The following TAS2R1 variants were observed in gnomAD, a reference collection of about 807,000 sequenced individuals.
TAS2R1 encodes taste 2 receptor member 1.
For missense variants in TAS2R1, 370 were observed against 353.4 expected, an observed-to-expected ratio of 1.05 and a Z score of -0.38; for synonymous variants, 141 against 134.2, an observed-to-expected ratio of 1.05 and a Z score of -0.35.
At chr5:9,896,904 A>C in the TAS2R1 span, among the ~76,000 whole-genome samples, 1 of 152,198 alleles carries the variant, frequency 6.6e-6, no homozygotes, top group African/African-American at 2.4e-5. Context: ...AAGAAGGGAG[A>C]CAACAATTTG....
In TAS2R1 at chr5:9,704,763, A is replaced by G. The variant is rs149190171; in HGVS notation, c.-242+7409T>C. The stretch of plus-strand genomic sequence containing the variant: ...TTGCTAAAGATTAAGAATTTTAATA[A>G]CACTCAAGGATGATAAGAGAGTTGG... On this transcript the variant is annotated intron_variant, in intron 1 of 2. Transcript: ENST00000506620. Among the ~76,000 whole-genome samples the G allele has an allele frequency of 1.1e-3, 162 of 152,348 alleles. 3 individuals carry two copies. In the East Asian group the frequency reaches 0.029, roughly 28 times the overall value.
upstream of TAS2R1, chr5:9,714,238 A>G (rs1734761566): frequency 2.6e-5 from 4 of 152,222 alleles, no homozygotes; most frequent in Admixed American, 2.0e-4. Flanking sequence ...TTGGTATTGC[A>G]TCTGTAAATG....
chr5:9,831,822 T>C, the TAS2R1 span, among the ~76,000 whole-genome samples: 1 of 152,330 alleles, frequency 6.6e-6, no homozygotes, highest in Admixed American at 6.5e-5. Flanking sequence ...TTGCGATTTT[T>C]ATCTGAAAAG....
At chr5:9,777,591 T>C in the TAS2R1 span, among the ~76,000 whole-genome samples, 1 of 152,250 alleles carries the variant, frequency 6.6e-6, no homozygotes, top group Non-Finnish European at 1.5e-5. Flanking sequence ...CTCCAGTTAA[T>C]GTTGATACTT....
chr5:9,751,012 G>A, the TAS2R1 span, among the ~76,000 whole-genome samples: 1 of 151,586 alleles, frequency 6.6e-6, no homozygotes, highest in African/African-American at 2.4e-5. Context: ...ACTAGCTACT[G>A]GCCAGCCCAG....
chr5:9,857,135 G>C, the TAS2R1 span, among the ~76,000 whole-genome samples: 24 of 152,156 alleles, frequency 1.6e-4, no homozygotes, highest in South Asian at 4.1e-4. Flanking sequence ...GGTAACCAAA[G>C]GTTGGGAAGG....
chr5:9,841,229 T>C, the TAS2R1 span, among the ~76,000 whole-genome samples: 35 of 152,218 alleles, frequency 2.3e-4, no homozygotes, highest in African/African-American at 8.2e-4. Context: ...TTATCCATAT[T>C]GAGAATCACA....
chr5:9,744,316 G>C, the TAS2R1 span, among the ~76,000 whole-genome samples: 1 of 152,130 alleles, frequency 6.6e-6, no homozygotes, highest in Non-Finnish European at 1.5e-5. Context: ...TTGGGCCGGT[G>C]GGTCATAGGT....
chr5:9,857,166 A>C, the TAS2R1 span, among the ~76,000 whole-genome samples: 2 of 152,198 alleles, frequency 1.3e-5, no homozygotes, highest in East Asian at 3.9e-4. Context: ...GGAGGAGATG[A>C]AGAGAAGTTG....
chr5:9,870,922 A>G, the TAS2R1 span, among the ~76,000 whole-genome samples: 58 of 152,372 alleles, frequency 3.8e-4, 1 homozygote, highest in Middle Eastern at 3.4e-3. Flanking sequence ...AATGCAAGGT[A>G]GTAATTTTCT....
intron 1 of TAS2R1, among the ~76,000 whole-genome samples, chr5:9,662,755 TA>T (rs1740563808): frequency 6.6e-6 from 1 of 152,216 alleles, no homozygotes; most frequent in African/African-American, 2.4e-5. Flanking sequence ...ATAACTCAGT[TA>T]AGAAAGAACA....
chr5:9,629,394 G>C lies in TAS2R1; in HGVS notation c.639C>G (p.Ala213=), dbSNP rs560509095. ...RHTRQMRNTV[A]GSRVPGRGAP... is the part of the protein sequence containing the mutation. ...CACCCCTGCCAGGAACCCTGCTGCC[G>C]GCCACTGTGTTTCTCATTTGCCGGG... The change falls in exon 1 of 1, where the codon GCC becomes GCG. Residue 213 remains alanine (A), a synonymous_variant. Transcript: ENST00000382492. 2 of 1,614,058 alleles carry C rather than the reference G, an allele frequency of 1.2e-6. No individual in the cohort carries two copies. Among genetic ancestry groups the C allele is most frequent in the African/African-American group, 1.3e-5 (1 of 75,016 alleles).
the TAS2R1 span, among the ~76,000 whole-genome samples, chr5:9,893,534 G>T: frequency 2.2e-3 from 329 of 152,102 alleles, no homozygotes; most frequent in African/African-American, 7.5e-3. Flanking sequence ...CTGGTCAAAC[G>T]GTCCACTTCA....
chr5:9,854,867 C>G, the TAS2R1 span, among the ~76,000 whole-genome samples: 1 of 152,174 alleles, frequency 6.6e-6, no homozygotes, highest in African/African-American at 2.4e-5. Context: ...GTTGAAGATC[C>G]TACATAAAAA....
the TAS2R1 span, among the ~76,000 whole-genome samples, chr5:9,740,275 C>T: frequency 3.9e-5 from 6 of 151,990 alleles, 1 homozygote; most frequent in Non-Finnish European, 8.8e-5. Flanking sequence ...GATTTGTAGG[C>T]GAATAAAAAT....
chr5:9,900,517 C>T, the TAS2R1 span, among the ~76,000 whole-genome samples: 1 of 152,074 alleles, frequency 6.6e-6, no homozygotes, highest in Non-Finnish European at 1.5e-5. Context: ...AGAAACATCC[C>T]GCCAGTGGGG....
the TAS2R1 span, among the ~76,000 whole-genome samples, chr5:9,823,082 T>C: frequency 6.6e-6 from 1 of 150,812 alleles, no homozygotes; most frequent in Non-Finnish European, 1.5e-5. Context: ...CCAGGACTTA[T>C]GTTTTTCAAG....
the TAS2R1 span, among the ~76,000 whole-genome samples, chr5:9,889,092 A>C: frequency 6.6e-6 from 1 of 152,240 alleles, no homozygotes; most frequent in Admixed American, 6.5e-5. Flanking sequence ...AAACACCCTT[A>C]AACTATACAG....
chr5:9,885,986 G>A, the TAS2R1 span, among the ~76,000 whole-genome samples: 1 of 151,616 alleles, frequency 6.6e-6, no homozygotes, highest in Admixed American at 6.6e-5. Flanking sequence ...AACTGAGGGT[G>A]GTGCATATAC....
Sources: gnomAD v4.1 joint callset for allele counts (sites outside exome capture counted in the v4.1 genomes callset) on GRCh38, gnomAD v4.1.1 for gene constraint, MANE v1.5 for transcripts, NCBI Gene and HGNC (gene_info 2026-07-23, HGNC 2026-07-21) for gene names.